ENPP6: variants seen among roughly 807,000 people sequenced by gnomAD.
ENPP6 encodes ectonucleotide pyrophosphatase/phosphodiesterase 6, also known as glycerophosphocholine cholinephosphodiesterase ENPP6.
ENPP6 carries 32 observed loss-of-function variants against 42.0 expected under a neutral mutation model. The observed-to-expected ratio is 0.76, with a 90% CI of 0.58 to 1.02. The LOEUF is 1.02. Ranked by LOEUF, ENPP6 falls within the 50% of genes least tolerant of loss-of-function variation. ENPP6 has a pLI of 0.00. For synonymous variants in ENPP6, 213 were observed against 216.0 expected (o/e 0.99, Z 0.12); for missense variants, 552 against 566.8 (o/e 0.97, Z 0.27).
At chr4:184,108,893 G>A (rs1315771667) in intron 6 of ENPP6, among the ~76,000 whole-genome samples, 3 of 152,326 alleles carry the variant, frequency 2.0e-5, no homozygotes, top group Middle Eastern at 3.4e-3. Flanking sequence ...GTTCCATTTT[G>A]TTTGGCTGTA....
At chr4:184,131,260 C>CG (rs1736624330) in intron 2 of ENPP6, among the ~76,000 whole-genome samples, 1 of 7,498 alleles carries the variant, frequency 1.3e-4, no homozygotes, top group Non-Finnish European at 3.2e-4. Flanking sequence ...TTCTCTTTCT[C>CG]TTCCTTCCTT....
intron 6 of ENPP6, among the ~76,000 whole-genome samples, chr4:184,102,716 C>T (rs1736026793): frequency 6.6e-6 from 1 of 152,272 alleles, no homozygotes; most frequent in Non-Finnish European, 1.5e-5. Context: ...GGTGCTGCCC[C>T]TCTGGCCTTC....
chr4:184,101,161 G>A (rs566776872), intron 6 of ENPP6, among the ~76,000 whole-genome samples: 99 of 152,210 alleles, frequency 6.5e-4, no homozygotes, highest in African/African-American at 2.3e-3. Flanking sequence ...GTGTGTGAAT[G>A]TGTGTGTGCA....
At chr4:184,214,218 T>A (rs1733161648) in intron 1 of ENPP6, among the ~76,000 whole-genome samples, 1 of 150,832 alleles carries the variant, frequency 6.6e-6, no homozygotes, top group East Asian at 1.9e-4. Flanking sequence ...TGTGCACATG[T>A]ACCCTAAAAC....
At chr4:184,193,999 C>G (rs1211073068) in intron 1 of ENPP6, among the ~76,000 whole-genome samples, 1 of 152,050 alleles carries the variant, frequency 6.6e-6, no homozygotes, top group Non-Finnish European at 1.5e-5. Flanking sequence ...TATTTTTGGC[C>G]TCTGTTGCCA....
chr4:184,153,821 C>T, intron 1 of ENPP6, 88 bp from the exon 2 acceptor site: 1 of 1,453,962 alleles, frequency 6.9e-7, no homozygotes, highest in Non-Finnish European at 9.3e-7. Flanking sequence ...GCCATTCGTG[C>T]TCGTTTAGGA....
At chr4:184,176,651 T>C (rs1737566010) in intron 1 of ENPP6, among the ~76,000 whole-genome samples, 1 of 152,196 alleles carries the variant, frequency 6.6e-6, no homozygotes, top group Non-Finnish European at 1.5e-5. Context: ...CCTCAGGCAC[T>C]CTCATGCTGG....
intron 7 of ENPP6, among the ~76,000 whole-genome samples, chr4:184,093,189 G>A (rs1373866381): frequency 4.6e-5 from 7 of 152,170 alleles, no homozygotes; most frequent in Admixed American, 4.6e-4. Flanking sequence ...TGTATACCCA[G>A]TAAATGGTCA....
intron 1 of ENPP6, among the ~76,000 whole-genome samples, chr4:184,177,799 GA>G (rs1279698589): frequency 6.6e-6 from 1 of 152,078 alleles, no homozygotes; most frequent in Non-Finnish European, 1.5e-5. Context: ...ACTGTTAAAA[GA>G]AAAACAGATA....
chr4:184,170,496 T>C lies in ENPP6; in HGVS notation c.242-16763A>G, dbSNP rs1737444000. Among the ~76,000 whole-genome samples, 4 of 152,060 alleles carry C rather than the reference T, an allele frequency of 2.6e-5. No homozygotes were observed. The South Asian group carries it at 8.3e-4, about 32-fold the overall frequency. ...AAACAAAACCCATGCATTTTATTTATGTTTCTTGAGTGTCTTTTAACTGAT... is the reference window on the plus strand; with the variant it reads ...AAACAAAACCCATGCATTTTATTTACGTTTCTTGAGTGTCTTTTAACTGAT... On this transcript the variant is annotated intron_variant, in intron 1 of 7. Transcript: ENST00000296741.
intron 2 of ENPP6, among the ~76,000 whole-genome samples, chr4:184,131,824 C>CAT (rs780166830): frequency 0.02 from 2,846 of 140,420 alleles, 48 homozygotes; most frequent in African/African-American, 0.037. Flanking sequence ...CACACACACA[C>CAT]ATATATATAT....
intron 6 of ENPP6, among the ~76,000 whole-genome samples, chr4:184,105,627 T>C (rs1178386464): frequency 6.6e-6 from 1 of 152,218 alleles, no homozygotes; most frequent in Non-Finnish European, 1.5e-5. Context: ...GAGGAGGTAC[T>C]TCATTCCAGA....
At chr4:184,157,847 T>C (rs1287747780) in intron 1 of ENPP6, among the ~76,000 whole-genome samples, 2 of 147,864 alleles carry the variant, frequency 1.4e-5, no homozygotes, top group Non-Finnish European at 3.0e-5. Context: ...CTCAAACTCC[T>C]GGGCTCCAGT....
At chr4:184,177,142 A>G (rs1005861311) in intron 1 of ENPP6, among the ~76,000 whole-genome samples, 1 of 152,190 alleles carries the variant, frequency 6.6e-6, no homozygotes, top group Non-Finnish European at 1.5e-5. Context: ...GGTTGCCACC[A>G]TCACTGTAGC....
chr4:184,153,813 C>A, intron 1 of ENPP6, 80 bp from the exon 2 acceptor site: 1 of 1,486,446 alleles, frequency 6.7e-7, no homozygotes, highest in Admixed American at 2.1e-5. Flanking sequence ...TCATATAAGC[C>A]ATTCGTGCTC....
At chr4:184,124,441 T>A (rs1057050056) in intron 2 of ENPP6, among the ~76,000 whole-genome samples, 169 bp from the exon 3 acceptor site, 1 of 152,196 alleles carries the variant, frequency 6.6e-6, no homozygotes, top group Non-Finnish European at 1.5e-5. Flanking sequence ...TAACTGTAAT[T>A]TTGCATAACC....
chr4:184,121,302 G>A (rs946115257), intron 3 of ENPP6, among the ~76,000 whole-genome samples: 2 of 152,330 alleles, frequency 1.3e-5, no homozygotes, highest in East Asian at 1.9e-4. Context: ...AAACTTGGGC[G>A]AGGGATTCTC....
chr4:184,136,135 C>T (rs547204901), intron 2 of ENPP6, among the ~76,000 whole-genome samples: 1 of 151,544 alleles, frequency 6.6e-6, no homozygotes, highest in African/African-American at 2.4e-5. Context: ...TTTGATTAAC[C>T]TCTTCCTTGC....
chr4:184,117,992 G>GC (rs974176198), intron 3 of ENPP6, 92 bp from the exon 4 acceptor site: 5 of 1,465,114 alleles, frequency 3.4e-6, no homozygotes, highest in South Asian at 1.4e-5. Context: ...AGGTGTTCAC[G>GC]CCCCCCGAAA....
Sources: gnomAD v4.1 joint callset for allele counts (sites outside exome capture counted in the v4.1 genomes callset) on GRCh38, gnomAD v4.1.1 for gene constraint, MANE v1.5 for transcripts, NCBI Gene and HGNC (gene_info 2026-07-23, HGNC 2026-07-21) for gene names.